The following HSPG2 variants were observed in gnomAD, a reference collection of about 807,000 sequenced individuals.
The protein encoded by HSPG2 is heparan sulfate proteoglycan 2, also known as basement membrane-specific heparan sulfate proteoglycan core protein.
HSPG2 carries 278 observed loss-of-function variants against 526.6 expected under a neutral mutation model. That is an observed-to-expected ratio of 0.53 (90% CI 0.48 to 0.58). The LOEUF (loss-of-function observed/expected upper bound fraction) is 0.58. Among genes scored for constraint, HSPG2 ranks in the 20% least tolerant of loss-of-function variants. HSPG2 has a pLI of 0.00. For synonymous variants in HSPG2, 2,465 were observed against 2,555.4 expected, an observed-to-expected ratio of 0.96 and a Z score of 1.07; for missense variants, 5,354 against 6,099.5, an observed-to-expected ratio of 0.88 and a Z score of 4.07.
intron 86 of HSPG2, 47 bp from the exon 87 acceptor site, chr1:21,829,651 C>T (rs756950705): frequency 1.8e-5 from 27 of 1,497,266 alleles, no homozygotes; most frequent in Middle Eastern, 2.3e-4. Context: ...CCTGGACCCT[C>T]GGGTGGGGTC....
intron 1 of HSPG2, among the ~76,000 whole-genome samples, chr1:21,899,801 C>A (rs1315028954): frequency 1.3e-5 from 2 of 152,212 alleles, no homozygotes; most frequent in Non-Finnish European, 2.9e-5. Flanking sequence ...TCTGCCCAGA[C>A]CACAGGTGAG....
chr1:21,874,094 G>C, intron 28 of HSPG2, 83 bp from the exon 29 acceptor site: 1 of 1,254,938 alleles, frequency 8.0e-7, no homozygotes, highest in Admixed American at 2.0e-5. Flanking sequence ...AGGGGAGAGG[G>C]GAGGGGAAGA....
At chr1:21,823,787 C>T in intron 95 of HSPG2, 68 bp from the exon 96 acceptor site, 1 of 1,218,342 alleles carries the variant, frequency 8.2e-7, no homozygotes, top group Non-Finnish European at 1.2e-6. Flanking sequence ...ACGACAGAGT[C>T]CCCTCCCTCT....
At chr1:21,855,501 C>A (rs564129349) in intron 46 of HSPG2, 22 bp downstream of exon 46, 2 of 1,611,390 alleles carry the variant, frequency 1.2e-6, no homozygotes, top group East Asian at 2.2e-5. Context: ...TCCCGGCCCC[C>A]ACCCTGAGCC....
chr1:21,884,440 C>G, intron 13 of HSPG2, 88 bp downstream of exon 13: 2 of 1,549,730 alleles, frequency 1.3e-6, no homozygotes. Context: ...AACCTGGCCC[C>G]CTCTGTCCGC....
intron 86 of HSPG2, 101 bp downstream of exon 86, chr1:21,829,892 C>T (rs746793596): frequency 2.1e-5 from 22 of 1,035,170 alleles, no homozygotes; most frequent in Middle Eastern, 2.0e-4. Flanking sequence ...GCTTGGGAAT[C>T]GTTTTATCAT....
rs1389372818 is a variant in HSPG2, at chr1:21,822,433, C to A, written c.*883G>T. 2 of 579,660 alleles carry A rather than the reference C, an allele frequency of 3.5e-6. No homozygotes were observed. Among genetic ancestry groups the A allele is most frequent in the Non-Finnish European group, 6.2e-6 (2 of 322,530 alleles). 35.9% of individuals were successfully genotyped at this position (579,660 alleles called of 1,614,324 possible). On this transcript the variant is annotated 3_prime_UTR_variant, in exon 97 of 97. Transcript: ENST00000374695. ...ATATCCCCCTCCTCTCTCTCTCAGT[C>A]GTGAGTCCTGCCTTCCCCCACCTAA... is the stretch of plus-strand genomic sequence containing the variant.
chr1:21,864,309 G>C lies in HSPG2; in HGVS notation c.4627-96C>G. On this transcript the variant is annotated intron_variant, in intron 36 of 96. Transcript: ENST00000374695. This position sits in a 1 kb window ranked among gnomAD's most constrained non-coding sequence, Gnocchi z 4.8. ...CTCCCTCCAGTGTCCTCCCAGGGGT[G>C]ACCCTGGAACATCACAGGCCGGCGC... The C allele has an allele frequency of 2.9e-6, 3 of 1,023,622 alleles. No homozygotes were observed. The highest frequency in any genetic ancestry group is 4.5e-6 in the Non-Finnish European group (3 of 668,112). 63.4% of individuals were successfully genotyped at this position (1,023,622 alleles called of 1,614,324 possible). A position where few individuals can be genotyped will look rare whatever the true frequency, so the allele number is the denominator to read the frequency against.
chr1:21,848,098 A>G lies in HSPG2; in HGVS notation c.7738-5T>C. ...CCGCAGCCGGGAGCCCACGATCTGC[A>G]GGAAGCAGATGGCAGGAGGTATGGC... On this transcript the variant is annotated splice_polypyrimidine_tract_variant and splice_region_variant and intron_variant, in intron 59 of 96. Coordinates refer to ENST00000374695, the MANE Select transcript of HSPG2 (RefSeq NM_005529.7). This position sits in a 1 kb window ranked among gnomAD's most constrained non-coding sequence, Gnocchi z 4.9. 6.3e-7 allele frequency: 1 copy of G among 1,587,350 alleles called. No individual in the cohort carries two copies.
chr1:21,874,433 G>A lies in HSPG2; in HGVS notation c.3629C>T (p.Pro1210Leu), dbSNP rs1442956444. ...GCCGGCAGCAGGGTCTCCGTAGCAG[G>A]GGCACAGCTGGCAGTCCTGTGGTGT... is the stretch of plus-strand genomic sequence containing the variant. ...RGTPQDCQLC[P>L]CYGDPAAGQA... Residue 1210 changes from proline (P) to leucine (L), a missense_variant, in exon 28 of 97, where the codon CCC becomes CTC. Coordinates refer to ENST00000374695, the MANE Select transcript of HSPG2 (RefSeq NM_005529.7). The A allele has an allele frequency of 1.9e-6, 3 of 1,611,762 alleles. No homozygotes were observed. Among genetic ancestry groups the A allele is most frequent in the East Asian group, 2.2e-5 (1 of 44,860 alleles).
intron 1 of HSPG2, among the ~76,000 whole-genome samples, chr1:21,931,731 T>C (rs983894121): frequency 3.3e-5 from 5 of 152,084 alleles, no homozygotes; most frequent in Admixed American, 2.6e-4. Flanking sequence ...GATCTTTCCA[T>C]AGCCTGGGCA....
chr1:21,848,820 G>A lies in HSPG2; in HGVS notation c.7586-26C>T. 5.0e-6 allele frequency: 8 copies of A among 1,613,428 alleles called. No individual in the cohort carries two copies. Among genetic ancestry groups the A allele is most frequent in the East Asian group, 2.2e-5 (1 of 44,862 alleles). On this transcript the variant is annotated intron_variant, in intron 58 of 96. Transcript: ENST00000374695. The surrounding 1 kb of genome is among the most constrained non-coding windows in gnomAD (Gnocchi z 4.9). Reference sequence around the variant, plus strand: ...CTGGGAGGGTGAGATGTAAGGCAGGGTGTGGGAGCTGCTGAGGGTGCAGTC... The same window carrying A: ...CTGGGAGGGTGAGATGTAAGGCAGGATGTGGGAGCTGCTGAGGGTGCAGTC...
At position 21,829,488 on chromosome 1, in the gene HSPG2, C is replaced by T; in HGVS notation, c.11887G>A (p.Asp3963Asn). Residue 3963 changes from aspartate to asparagine, a missense_variant, in exon 87 of 97, where the codon GAC (aspartate) becomes AAC (asparagine). Coordinates refer to ENST00000374695, the MANE Select transcript of HSPG2 (RefSeq NM_005529.7). ...CCCCCGCTGAACAGCAGGACCCCGT[C>T]AGGGGCGAGTGGCTTGAACTCCACG... The part of the protein sequence containing the change: ...LDVEFKPLAP[D>N]GVLLFSGGKS... 6.2e-7 allele frequency: 1 copy of T among 1,613,408 alleles called. No homozygotes were observed. Among genetic ancestry groups the T allele is most frequent in the African/African-American group, 1.3e-5 (1 of 75,064 alleles).
In HSPG2 at chr1:21,836,807, C is replaced by T. The variant is rs1189622313; in HGVS notation, c.10350G>A (p.Val3450=). 1 of 1,561,024 alleles carries T rather than the reference C, an allele frequency of 6.4e-7. No homozygotes were observed. ...CTGCCCCCGGCCCCACTCACCGGAG[C>T]ACCCCATCCTGCACGCTGTGACCCG... The part of the protein sequence containing the change: ...LPPGHSVQDG[V]LRIQNLDQSC... The change falls in exon 75 of 97, where the codon GTG becomes GTA. Residue 3450 remains valine, a synonymous_variant. Transcript: ENST00000374695.
At chr1:21,896,414 C>T (rs1188834541) in intron 1 of HSPG2, 104 bp from the exon 2 acceptor site, 19 of 1,377,656 alleles carry the variant, frequency 1.4e-5, no homozygotes, top group Non-Finnish European at 1.8e-5. Flanking sequence ...ACCTTCAGGC[C>T]CCTTAGTGGT....
intron 25 of HSPG2, chr1:21,875,207 C>A: frequency 1.6e-6 from 1 of 636,086 alleles, no homozygotes; most frequent in Non-Finnish European, 2.9e-6. Context: ...CCTTCCTCAC[C>A]TGGAGAGGTT....
At chr1:21,897,070 G>C (rs1053615726) in intron 1 of HSPG2, among the ~76,000 whole-genome samples, 1 of 152,204 alleles carries the variant, frequency 6.6e-6, no homozygotes, top group Admixed American at 6.5e-5. Flanking sequence ...GAGCAGAAGG[G>C]CCCCAGCAGC....
rs749758181 is a variant in HSPG2, at chr1:21,838,958, A to G, written c.10017T>C (p.Leu3339=). 4 of 1,612,566 alleles carry G rather than the reference A, an allele frequency of 2.5e-6. No individual in the cohort carries two copies. The African/African-American group carries it at 5.3e-5, about 22-fold the overall frequency. Residue 3339 remains leucine (L), a synonymous_variant, in exon 74 of 97, where the codon CTT becomes CTC. Transcript: ENST00000374695. ...CGTTCCTGGCGGTCGCCCTCCCAGG[A>G]AGGCTGCTGCCCACGCGGCTCCACT... ...TFQWSRVGSS[L]PGRATARNEL...
chr1:21,836,914 C>A lies in HSPG2; in HGVS notation c.10243G>T (p.Ala3415Ser). The A allele has an allele frequency of 6.4e-7, 1 of 1,560,108 alleles. No individual in the cohort carries two copies. The highest frequency in any genetic ancestry group is 8.7e-7 in the Non-Finnish European group (1 of 1,151,874). ...TPQLETKSIG[A>S]SVEFHCAVPS... ...ACAGCACAGTGGAACTCAACGCTGG[C>A]CCCAATGCTCTTGGTCTCTAGCTGA... is the stretch of plus-strand genomic sequence containing the variant. Residue 3415 changes from alanine to serine, a missense_variant, in exon 75 of 97, where the codon GCC becomes TCC. By Grantham distance (99) the Ala-to-Ser change is moderately conservative. Transcript: ENST00000374695.
Sources: allele counts gnomAD v4.1 joint callset (sites outside exome capture counted in the v4.1 genomes callset), GRCh38; gene constraint gnomAD v4.1.1; non-coding constraint Gnocchi (gnomAD v3.1); transcripts MANE v1.5; gene names NCBI Gene and HGNC (gene_info 2026-07-23, HGNC 2026-07-21).